The following INPP4B variants were observed in gnomAD, a reference collection of about 807,000 sequenced individuals.
INPP4B encodes the protein inositol polyphosphate 4-phosphatase type II.
In INPP4B, 55 loss-of-function variants were observed where a neutral mutation model predicts 122.5. The ratio of observed to expected loss-of-function variants is 0.45; its 90% CI spans 0.36 to 0.56. The LOEUF (loss-of-function observed/expected upper bound fraction) is 0.56, where lower values mean the gene tolerates loss of function less well. Ranked by LOEUF, INPP4B falls within the 20% of genes least tolerant of loss-of-function variation. The pLI is 0.00. For synonymous variants in INPP4B, 403 were observed against 388.7 expected, an observed-to-expected ratio of 1.04 and a Z score of -0.43; for missense variants, 1,000 against 1,097.7, an observed-to-expected ratio of 0.91 and a Z score of 1.26.
intron 2 of INPP4B, among the ~76,000 whole-genome samples, chr4:142,473,698 C>T (rs1819311513): frequency 6.6e-6 from 1 of 152,230 alleles, no homozygotes; most frequent in Non-Finnish European, 1.5e-5. Flanking sequence ...GGTCCCACTT[C>T]TGCCATAACT....
chr4:142,143,556 A>T (rs67746056), intron 18 of INPP4B, among the ~76,000 whole-genome samples: 17,706 of 152,082 alleles, frequency 0.12, 1,621 homozygotes, highest in African/African-American at 0.25. Context: ...ATAAAAATGT[A>T]CAATTATTAT....
At position 142,783,931 on chromosome 4, in the gene INPP4B, G is replaced by A. The variant is rs568793273; in HGVS notation, c.-253-58030C>T. ...GGACTATAAAGAATGAGATAAATTA[G>A]TTTATAAGAAGGAGAAATTTTAAGA... On this transcript the variant is annotated intron_variant, in intron 1 of 25. Transcript: ENST00000262992. 4.4e-4 allele frequency among the ~76,000 whole-genome samples: 67 copies of A among 151,992 alleles called. 1 individual carries two copies. Among genetic ancestry groups the A allele is most frequent in the African/African-American group, 1.6e-3 (66 of 41,462 alleles).
intron 1 of INPP4B, among the ~76,000 whole-genome samples, chr4:142,756,744 T>C (rs1770575706): frequency 6.6e-6 from 1 of 152,146 alleles, no homozygotes; most frequent in Non-Finnish European, 1.5e-5. Context: ...AATTTATCAT[T>C]CTGGAATGCC....
chr4:142,675,980 T>C (rs1757704836), intron 2 of INPP4B, among the ~76,000 whole-genome samples: 2 of 152,120 alleles, frequency 1.3e-5, no homozygotes. Flanking sequence ...CAACATAGTG[T>C]TGGAAGTTCT....
At chr4:142,094,165 C>A (rs1283098755) in intron 23 of INPP4B, among the ~76,000 whole-genome samples, 4 of 152,126 alleles carry the variant, frequency 2.6e-5, no homozygotes, top group Non-Finnish European at 5.9e-5. Flanking sequence ...AAACTCCAGT[C>A]TCCTCAAGAT....
chr4:142,593,581 C>T (rs1208531664), intron 2 of INPP4B, among the ~76,000 whole-genome samples: 1 of 152,126 alleles, frequency 6.6e-6, no homozygotes, highest in Non-Finnish European at 1.5e-5. Context: ...TAGGCCACTG[C>T]ATATGGCTGG....
At chr4:142,304,855 A>G (rs1462386262) in intron 9 of INPP4B, among the ~76,000 whole-genome samples, 1 of 152,176 alleles carries the variant, frequency 6.6e-6, no homozygotes, top group Admixed American at 6.5e-5. Flanking sequence ...AGAAAAATTT[A>G]TTTTATTTAA....
At chr4:142,625,471 T>C (rs554518938) in intron 2 of INPP4B, among the ~76,000 whole-genome samples, 1 of 151,976 alleles carries the variant, frequency 6.6e-6, no homozygotes, top group Non-Finnish European at 1.5e-5. Context: ...CACTGCTCAA[T>C]GAAATAAAAG....
intron 9 of INPP4B, among the ~76,000 whole-genome samples, chr4:142,283,599 C>T (rs988386838): frequency 2.6e-5 from 4 of 151,984 alleles, no homozygotes; most frequent in Admixed American, 6.6e-5. Context: ...CTGTACAGCA[C>T]GTTACTGTAC....
intron 3 of INPP4B, among the ~76,000 whole-genome samples, chr4:142,441,788 C>A (rs939838320): frequency 1.4e-5 from 2 of 146,964 alleles, no homozygotes; most frequent in Non-Finnish European, 3.0e-5. Flanking sequence ...ATTTCTCAAG[C>A]AGATAAGGCC....
chr4:142,262,268 C>A (rs1488149755), intron 10 of INPP4B, among the ~76,000 whole-genome samples: 1 of 152,144 alleles, frequency 6.6e-6, no homozygotes, highest in Non-Finnish European at 1.5e-5. Context: ...TCTCCCTGCC[C>A]CATGAATCTC....
rs888052387 is a variant in INPP4B at position 142,442,884 on chromosome 4, G to A, written c.-126-11499C>T. Reference sequence around the variant, plus strand: ...CAGCTGGGGAGGCTTCACAATCATGGTGGAAGGCAAAGAAGAAACAAAGGC... The same window carrying A: ...CAGCTGGGGAGGCTTCACAATCATGATGGAAGGCAAAGAAGAAACAAAGGC... On this transcript the variant is annotated intron_variant, in intron 3 of 25. Coordinates refer to ENST00000262992, the MANE Select transcript of INPP4B (RefSeq NM_001101669.3). Among the ~76,000 whole-genome samples, 14 of 152,302 alleles carry A rather than the reference G, an allele frequency of 9.2e-5. 1 individual carries two copies. The highest frequency in any genetic ancestry group is 6.5e-4 in the Admixed American group (10 of 15,296).
At chr4:142,665,713 T>C (rs1755919581) in intron 2 of INPP4B, among the ~76,000 whole-genome samples, 1 of 152,102 alleles carries the variant, frequency 6.6e-6, no homozygotes, top group South Asian at 2.1e-4. Flanking sequence ...TGTGAAATGA[T>C]AAAAAATTCA....
At chr4:142,492,133 C>A (rs1325216437) in intron 2 of INPP4B, among the ~76,000 whole-genome samples, 2 of 152,038 alleles carry the variant, frequency 1.3e-5, no homozygotes, top group Non-Finnish European at 2.9e-5. Context: ...TCCTTGCTGC[C>A]ACCATGAGTA....
chr4:142,815,505 C>T (rs917125801), intron 1 of INPP4B, among the ~76,000 whole-genome samples: 3 of 152,074 alleles, frequency 2.0e-5, no homozygotes, highest in Admixed American at 6.6e-5. Context: ...TAATATAACT[C>T]TATTGTGCCA....
chr4:142,419,022 T>G (rs1198336393), intron 5 of INPP4B, among the ~76,000 whole-genome samples: 6 of 152,070 alleles, frequency 3.9e-5, no homozygotes, highest in Non-Finnish European at 1.5e-5. Flanking sequence ...CAGGACTTGA[T>G]GATGGATTTA....
chr4:142,795,215 A>G lies in INPP4B; in HGVS notation c.-254+50994T>C, dbSNP rs561457044. On this transcript the variant is annotated intron_variant, in intron 1 of 25. Coordinates refer to ENST00000262992, the MANE Select transcript of INPP4B (RefSeq NM_001101669.3). The stretch of plus-strand genomic sequence containing the variant: ...TCATTTATATAACTTTAAATGCATG[A>G]AAAACCAAAAAAGATATTCTTTAGG... The G allele has an allele frequency of 3.9e-5, 6 of 152,132 alleles. No homozygotes were observed. The South Asian group carries it at 1.2e-3, about 31-fold the overall frequency. The allele number at this position is 152,132 out of a possible 1,614,324, so 9.4% of individuals were successfully genotyped here. A position where few individuals can be genotyped will look rare whatever the true frequency, so the allele number is the denominator to read the frequency against.
At position 142,028,295 on chromosome 4, in the gene INPP4B, GT is replaced by G. The variant is rs1200457829; in HGVS notation, c.*486del. On this transcript the variant is annotated 3_prime_UTR_variant, in exon 26 of 26. Transcript: ENST00000262992. ...TCATGAGTTAACTCTACCTAATTGAGTGGCTACACATTTTTTTTAAATCCCT... is the reference window on the plus strand; with the variant it reads ...TCATGAGTTAACTCTACCTAATTGAGGGCTACACATTTTTTTTAAATCCCT... The G allele has an allele frequency of 4.4e-6, 1 of 227,248 alleles. No individual in the cohort carries two copies. 14.1% of individuals were successfully genotyped at this position (227,248 alleles called of 1,614,324 possible).
intron 9 of INPP4B, among the ~76,000 whole-genome samples, chr4:142,274,499 C>T (rs776906138): frequency 1.3e-4 from 19 of 151,966 alleles, no homozygotes; most frequent in Non-Finnish European, 2.5e-4. Context: ...TCTACACCTT[C>T]CCATTCCACT....
Sources: gnomAD v4.1 joint callset for allele counts (sites outside exome capture counted in the v4.1 genomes callset) on GRCh38, gnomAD v4.1.1 for gene constraint, MANE v1.5 for transcripts, NCBI Gene and HGNC (gene_info 2026-07-23, HGNC 2026-07-21) for gene names.